Variants in INPP4B observed in about 807,000 individuals in gnomAD.
INPP4B encodes inositol polyphosphate-4-phosphatase type II B.
In INPP4B, 55 loss-of-function variants were observed where a neutral mutation model predicts 122.5. The observed-to-expected ratio is 0.45, with a 90% CI of 0.36 to 0.56. The LOEUF (loss-of-function observed/expected upper bound fraction) is 0.56, where lower values mean the gene tolerates loss of function less well. INPP4B is among the 20% of genes least tolerant of loss of function. The probability of loss-of-function intolerance (pLI) is 0.00; values close to 1 mark genes in which losing one functional copy is unlikely to be tolerated. For synonymous variants in INPP4B, 403 were observed against 388.7 expected (o/e 1.04, Z -0.43); for missense variants, 1,000 against 1,097.7 (o/e 0.91, Z 1.26).
chr4:142,577,701 A>G (rs1734152612), intron 2 of INPP4B, among the ~76,000 whole-genome samples: 1 of 151,996 alleles, frequency 6.6e-6, no homozygotes, highest in Non-Finnish European at 1.5e-5. Context: ...ATCCATTTTT[A>G]GAATTGAGTT....
chr4:142,186,846 G>C (rs1488178028), intron 15 of INPP4B, among the ~76,000 whole-genome samples: 1 of 152,126 alleles, frequency 6.6e-6, no homozygotes, highest in African/African-American at 2.4e-5. Context: ...TTAGTTCAAA[G>C]CTTTGCAGGC....
intron 2 of INPP4B, among the ~76,000 whole-genome samples, chr4:142,678,557 T>C (rs559168778): frequency 6.6e-6 from 1 of 151,908 alleles, no homozygotes; most frequent in Non-Finnish European, 1.5e-5. Context: ...TCTGAAAGAC[T>C]ATGATTCTAT....
At chr4:142,202,833 T>C in intron 14 of INPP4B, 3 of 946,666 alleles carry the variant, frequency 3.2e-6, no homozygotes, top group Non-Finnish European at 3.8e-6. Flanking sequence ...GTTTCACTCA[T>C]GCAAACTAAG....
intron 9 of INPP4B, among the ~76,000 whole-genome samples, chr4:142,289,441 G>A (rs1221650288): frequency 6.6e-6 from 1 of 152,158 alleles, no homozygotes; most frequent in African/African-American, 2.4e-5. Context: ...ATAGGTAAAT[G>A]TGTGTCATGG....
chr4:142,573,109 G>A (rs1271303453), intron 2 of INPP4B, among the ~76,000 whole-genome samples: 1 of 151,976 alleles, frequency 6.6e-6, no homozygotes, highest in Non-Finnish European at 1.5e-5. Flanking sequence ...GGGAAGCAAG[G>A]ACATCTTACC....
chr4:142,614,177 C>A (rs2150349337), intron 2 of INPP4B, among the ~76,000 whole-genome samples: 2 of 152,170 alleles, frequency 1.3e-5, no homozygotes, highest in Non-Finnish European at 2.9e-5. Context: ...AGGCGAAGGC[C>A]ACTGCACTCC....
chr4:142,165,155 A>C (rs913248989), intron 16 of INPP4B, among the ~76,000 whole-genome samples: 1 of 151,740 alleles, frequency 6.6e-6, no homozygotes, highest in African/African-American at 2.4e-5. Flanking sequence ...GAGTTCAGAA[A>C]TGCCAGGCTG....
intron 2 of INPP4B, among the ~76,000 whole-genome samples, chr4:142,705,828 T>C (rs1369497650): frequency 1.3e-5 from 2 of 152,230 alleles, no homozygotes; most frequent in Non-Finnish European, 2.9e-5. Flanking sequence ...AGTTAAGCAC[T>C]CAGTATACTG....
At chr4:142,351,148 C>T (rs941773881) in intron 7 of INPP4B, among the ~76,000 whole-genome samples, 20 of 151,970 alleles carry the variant, frequency 1.3e-4, no homozygotes, top group Admixed American at 1.3e-3. Context: ...TAGAGCTAGC[C>T]TGACCCATGT....
chr4:142,418,082 T>C (rs1806142994), intron 5 of INPP4B, among the ~76,000 whole-genome samples: 1 of 152,260 alleles, frequency 6.6e-6, no homozygotes, highest in South Asian at 2.1e-4. Flanking sequence ...AGTCTAATTA[T>C]AGAACTCAAC....
intron 1 of INPP4B, 35 bp from the exon 2 acceptor site, chr4:142,725,936 A>G (rs553820468): frequency 2.5e-6 from 1 of 397,756 alleles, no homozygotes; most frequent in Non-Finnish European, 4.4e-6. Flanking sequence ...AATAAAAACA[A>G]CCTTTCTTTT....
At chr4:142,646,583 A>C (rs968917211) in intron 2 of INPP4B, among the ~76,000 whole-genome samples, 2 of 152,246 alleles carry the variant, frequency 1.3e-5, no homozygotes, top group African/African-American at 4.8e-5. Flanking sequence ...CAGAATTCAA[A>C]GGCTTTACTT....
intron 18 of INPP4B, among the ~76,000 whole-genome samples, chr4:142,138,902 T>G (rs1806186916): frequency 6.6e-6 from 1 of 152,202 alleles, no homozygotes; most frequent in Non-Finnish European, 1.5e-5. Context: ...CATCTGAGAG[T>G]AATCCTCATG....
intron 2 of INPP4B, among the ~76,000 whole-genome samples, chr4:142,666,779 T>A (rs1756176056): frequency 6.6e-6 from 1 of 152,130 alleles, no homozygotes; most frequent in Non-Finnish European, 1.5e-5. Context: ...TATCAACCTT[T>A]TAATTTGCTA....
chr4:142,352,556 C>T (rs1422853922), intron 7 of INPP4B, among the ~76,000 whole-genome samples: 1 of 151,192 alleles, frequency 6.6e-6, no homozygotes, highest in East Asian at 2.0e-4. Flanking sequence ...CATGTCTTAC[C>T]AGGAGTTTAA....
At chr4:142,756,785 C>A (rs932294542) in intron 1 of INPP4B, among the ~76,000 whole-genome samples, 1 of 151,850 alleles carries the variant, frequency 6.6e-6, no homozygotes, top group African/African-American at 2.4e-5. Context: ...TTAGGATAAC[C>A]TGAATTAGGC....
intron 16 of INPP4B, among the ~76,000 whole-genome samples, chr4:142,164,948 C>G (rs1219375384): frequency 6.6e-6 from 1 of 151,592 alleles, no homozygotes; most frequent in African/African-American, 2.4e-5. Context: ...CTTGACTCAT[C>G]ATTCTCTGTT....
intron 6 of INPP4B, 125 bp downstream of exon 6, chr4:142,405,081 T>G (rs567920908): frequency 1.6e-6 from 1 of 610,264 alleles, no homozygotes; most frequent in Non-Finnish European, 2.9e-6. Context: ...ACTAACTTAT[T>G]TCAGCTGTTC....
intron 2 of INPP4B, among the ~76,000 whole-genome samples, chr4:142,540,082 C>T (rs1333430305): frequency 5.3e-5 from 8 of 152,056 alleles, no homozygotes; most frequent in African/African-American, 1.9e-4. Context: ...AAATACCAGA[C>T]AAGCTTCAGT....
Sources: allele counts gnomAD v4.1 joint callset (sites outside exome capture counted in the v4.1 genomes callset), GRCh38; gene constraint gnomAD v4.1.1; transcripts MANE v1.5; gene names NCBI Gene and HGNC (gene_info 2026-07-23, HGNC 2026-07-21).